The following BCO2 variants were observed in gnomAD, a reference collection of about 807,000 sequenced individuals.
BCO2 encodes carotenoid-cleaving dioxygenase, mitochondrial.
Under a neutral mutation model 65.8 loss-of-function variants are expected in BCO2, and 56 were observed. That is an observed-to-expected ratio of 0.85 (90% CI 0.69 to 1.06). The LOEUF (loss-of-function observed/expected upper bound fraction) is 1.06, where lower values mean the gene tolerates loss of function less well. Ranked by LOEUF, BCO2 falls within the 50% of genes least tolerant of loss-of-function variation. The pLI is 0.00. For missense variants in BCO2, 675 were observed against 698.5 expected (o/e 0.97, Z 0.38); for synonymous variants, 233 against 242.3 (o/e 0.96, Z 0.36).
intron 2 of BCO2, chr11:112,181,963 G>T: frequency 3.7e-6 from 2 of 537,228 alleles, no homozygotes; most frequent in Admixed American, 3.4e-5. Context: ...TCTGACAAAG[G>T]GCTAATATCC....
intron 10 of BCO2, 199 bp from the exon 11 acceptor site, chr11:112,216,021 G>A: frequency 1.7e-6 from 1 of 572,490 alleles, no homozygotes. Context: ...AGCTATTCAT[G>A]AGGGACTGGC....
chr11:112,181,042 G>A, intron 2 of BCO2: 1 of 1,474,630 alleles, frequency 6.8e-7, no homozygotes, highest in Non-Finnish European at 9.5e-7. Context: ...ACACAGAGTG[G>A]CTGACATTAA....
intron 8 of BCO2, among the ~76,000 whole-genome samples, chr11:112,202,403 C>G (rs1333759984): frequency 6.6e-6 from 1 of 151,976 alleles, no homozygotes; most frequent in Non-Finnish European, 1.5e-5. Flanking sequence ...GTGCCTCAGC[C>G]TCCCGGGTAG....
Position 112,200,684 on chromosome 11 carries a change from A to G in BCO2, c.937A>G (p.Lys313Glu). The change falls in exon 7 of 12, where the codon AAA becomes GAA. Residue 313 changes from lysine (K) to glutamate (E), a missense_variant. Coordinates refer to ENST00000357685, the MANE Select transcript of BCO2 (RefSeq NM_031938.7). ...GAACCTGTGGAAAATTGCCACTTCT[A>G]AAATTCGGGGAAAGGCCTTTTCAGA... ...KMNLWKIATS[K>E]IRGKAFSDGI... is the part of the protein sequence containing the mutation. The G allele has an allele frequency of 1.2e-6, 2 of 1,613,908 alleles. No individual in the cohort carries two copies. Among genetic ancestry groups the G allele is most frequent in the Non-Finnish European group, 1.7e-6 (2 of 1,179,906 alleles).
rs141213400 is a variant in BCO2, at chr11:112,206,483, G to A, written c.1194+4293G>A. On this transcript the variant is annotated intron_variant, in intron 8 of 11. Transcript: ENST00000357685. The stretch of plus-strand genomic sequence containing the variant: ...AGTTCTTTATAAATTTTGAGGCCAG[G>A]TGTGGTGGCTCACGCCTGTAATCCC... 6.0e-3 allele frequency among the ~76,000 whole-genome samples: 910 copies of A among 152,292 alleles called. 16 individuals are homozygous for A. The highest frequency in any genetic ancestry group is 0.021 in the African/African-American group (865 of 41,558).
rs761892067 is a variant in BCO2 at position 112,202,102 on chromosome 11, T to C, written c.1106T>C (p.Ile369Thr). Residue 369 changes from isoleucine (I) to threonine (T), a missense_variant, in exon 8 of 12, where the codon ATA (isoleucine) becomes ACA (threonine). By Grantham distance (89) the Ile-to-Thr change is moderately conservative (BLOSUM62 -1). Transcript: ENST00000357685. ...GCCTTTGAGGACCAGGGCTGTGTTA[T>C]AATTGATTTGTGCTGTCAAGATAAT... Reference protein sequence around the residue: ...INAFEDQGCVIIDLCCQDNGR... With the variant: ...INAFEDQGCVTIDLCCQDNGR... The C allele has an allele frequency of 6.2e-7, 1 of 1,614,066 alleles. No individual in the cohort carries two copies.
intron 5 of BCO2, 74 bp downstream of exon 5, chr11:112,194,829 AG>A (rs1867522888): frequency 1.1e-5 from 12 of 1,088,168 alleles, no homozygotes; most frequent in African/African-American, 1.6e-5. Context: ...TGAATACTAC[AG>A]GTTTGTTTTT....
chr11:112,186,267 G>C (rs556555805), intron 2 of BCO2, among the ~76,000 whole-genome samples: 96 of 152,336 alleles, frequency 6.3e-4, no homozygotes, highest in Non-Finnish European at 1.1e-3. Flanking sequence ...CAGGGCCCAG[G>C]CTTGCCCCAC....
At chr11:112,191,004 A>G (rs1016238321) in intron 2 of BCO2, among the ~76,000 whole-genome samples, 1 of 150,246 alleles carries the variant, frequency 6.7e-6, no homozygotes, top group African/African-American at 2.4e-5. Context: ...ATGTATCTCT[A>G]TCTATTATAT....
In BCO2 at chr11:112,193,556, C is replaced by CA. The variant is rs1249843496; in HGVS notation, c.376_377insA (p.Leu126HisfsTer4). Reference sequence around the variant, plus strand: ...CACAGTGACATACAGGAGCAAGTTTCTACAGAGTGATACATATAAGGCCAA... The same window carrying CA: ...CACAGTGACATACAGGAGCAAGTTTCATACAGAGTGATACATATAAGGCCAA... On this transcript the variant is annotated frameshift_variant, in exon 3 of 12. Coordinates refer to ENST00000357685, the MANE Select transcript of BCO2 (RefSeq NM_031938.7). LOFTEE classifies it high-confidence loss of function. The CA allele has an allele frequency of 4.3e-6, 7 of 1,614,036 alleles. No homozygotes were observed. Among genetic ancestry groups the CA allele is most frequent in the Non-Finnish European group, 5.9e-6 (7 of 1,180,034 alleles).
chr11:112,200,729 C>T lies in BCO2; in HGVS notation c.982C>T (p.Gln328Ter), dbSNP rs1867707551. The T allele has an allele frequency of 3.7e-6, 6 of 1,613,786 alleles. No individual in the cohort carries two copies. In the Admixed American group the frequency reaches 5.0e-5, roughly 13 times the overall value. Residue 328 changes from glutamine (Q) to a stop codon, truncating the protein, a stop_gained, in exon 7 of 12, where the codon CAG becomes TAG. Transcript: ENST00000357685. LOFTEE classifies it high-confidence loss of function. ...AFSDGISWEP[Q>*]CNTRFHVVEK... ...TTCAGATGGGATAAGCTGGGAACCC[C>T]AGTGTAATACGCGGTTTCATGTGGT...
At chr11:112,200,872 A>T in intron 7 of BCO2, 99 bp downstream of exon 7, 2 of 1,295,288 alleles carry the variant, frequency 1.5e-6, no homozygotes, top group Non-Finnish European at 2.2e-6. Context: ...TTAAAAGTGC[A>T]TAAGACACTT....
In BCO2 at chr11:112,218,244, C is replaced by G. The variant is rs1859742892; in HGVS notation, c.*370C>G. ...AAATTTCTGTTAAAAACAGAATTCA[C>G]TATTTCCTTGCCACTGCCAAGTCAC... is the stretch of plus-strand genomic sequence containing the variant. On this transcript the variant is annotated 3_prime_UTR_variant, in exon 12 of 12. Transcript: ENST00000357685. 6.1e-6 allele frequency: 1 copy of G among 164,888 alleles called. No homozygotes were observed. Among genetic ancestry groups the G allele is most frequent in the Non-Finnish European group, 1.3e-5 (1 of 75,712 alleles). The allele number at this position is 164,888 out of a possible 1,614,324, so 10.2% of individuals were successfully genotyped here. A position where few individuals can be genotyped will look rare whatever the true frequency, so the allele number is the denominator to read the frequency against.
intron 8 of BCO2, among the ~76,000 whole-genome samples, chr11:112,209,765 AT>A (rs1314111798): frequency 6.6e-6 from 1 of 152,160 alleles, no homozygotes; most frequent in Non-Finnish European, 1.5e-5. Flanking sequence ...CCATTGATTG[AT>A]TTTTGAATGT....
intron 2 of BCO2, among the ~76,000 whole-genome samples, chr11:112,187,723 C>T (rs151121483): frequency 0.021 from 3,195 of 152,202 alleles, 110 homozygotes; most frequent in African/African-American, 0.072. Flanking sequence ...TGATGCATCA[C>T]GATCCCTCCC....
In BCO2 at chr11:112,202,219, C is replaced by G. The variant is rs1867755375; in HGVS notation, c.1194+29C>G. The G allele has an allele frequency of 1.9e-6, 3 of 1,578,052 alleles. No individual in the cohort carries two copies. In the African/African-American group the frequency reaches 4.1e-5, roughly 22 times the overall value. On this transcript the variant is annotated intron_variant, in intron 8 of 11. Transcript: ENST00000357685. ...AACATTAGAATTTGTCAAGAGTCAT[C>G]AAAATAATTTTGAACTCCAAGATCT...
Position 112,215,031 on chromosome 11 carries a change from G to A in BCO2, c.1515+87G>A, listed in dbSNP as rs1324314257. On this transcript the variant is annotated intron_variant, in intron 10 of 11. Transcript: ENST00000357685. Reference sequence around the variant, plus strand: ...TTGTTTTATTTAAAGTAGCTCTTAAGATTCTTCAGTATTTAAGCAGCTGAG... The same window carrying A: ...TTGTTTTATTTAAAGTAGCTCTTAAAATTCTTCAGTATTTAAGCAGCTGAG... The A allele has an allele frequency of 4.6e-6, 6 of 1,302,610 alleles. No homozygotes were observed. In the Admixed American group the frequency reaches 5.4e-5, roughly 12 times the overall value. 80.7% of individuals were successfully genotyped at this position (1,302,610 alleles called of 1,614,324 possible). A position where few individuals can be genotyped will look rare whatever the true frequency, so the allele number is the denominator to read the frequency against.
chr11:112,175,741 C>T (rs781579692), intron 1 of BCO2, 52 bp downstream of exon 1: 9 of 1,482,374 alleles, frequency 6.1e-6, no homozygotes, highest in Non-Finnish European at 8.5e-6. Context: ...TGCCAGTCTG[C>T]GCTTAGAATT....
intron 5 of BCO2, among the ~76,000 whole-genome samples, chr11:112,195,139 A>ATTTTT (rs200114568): frequency 7.0e-6 from 1 of 143,834 alleles, no homozygotes; most frequent in Non-Finnish European, 1.5e-5. Context: ...TCTAAACTAC[A>ATTTTT]TTTTTTTTTT....
Sources: gnomAD v4.1 joint callset for allele counts (sites outside exome capture counted in the v4.1 genomes callset) on GRCh38, gnomAD v4.1.1 for gene constraint, MANE v1.5 for transcripts, NCBI Gene and HGNC (gene_info 2026-07-23, HGNC 2026-07-21) for gene names.